CNTNAP2: variants seen among roughly 807,000 people sequenced by gnomAD.
The protein encoded by CNTNAP2 is contactin associated protein 2.
A neutral mutation model predicts 155.2 loss-of-function variants in CNTNAP2; 98 were observed. The ratio of observed to expected loss-of-function variants is 0.63; its 90% CI spans 0.54 to 0.75. CNTNAP2 has a LOEUF of 0.75. CNTNAP2 is among the 30% of genes least tolerant of loss of function. The pLI is 0.00. For synonymous variants in CNTNAP2, 651 were observed against 631.2 expected, an observed-to-expected ratio of 1.03 and a Z score of -0.47; for missense variants, 1,727 against 1,688.1, an observed-to-expected ratio of 1.02 and a Z score of -0.40.
At chr7:146,954,906 T>A (rs375587931) in intron 3 of CNTNAP2, among the ~76,000 whole-genome samples, 2 of 152,066 alleles carry the variant, frequency 1.3e-5, no homozygotes. Flanking sequence ...TGATTTGTAA[T>A]ATGCCCTTTG....
chr7:146,483,304 T>TAC (rs1458585540), intron 1 of CNTNAP2, among the ~76,000 whole-genome samples: 1 of 105,284 alleles, frequency 9.5e-6, no homozygotes, highest in Non-Finnish European at 1.8e-5. Flanking sequence ...TATATATATA[T>TAC]ATATATATAT....
At chr7:147,196,877 C>T (rs980180119) in intron 8 of CNTNAP2, among the ~76,000 whole-genome samples, 1 of 152,118 alleles carries the variant, frequency 6.6e-6, no homozygotes, top group Non-Finnish European at 1.5e-5. Flanking sequence ...GTGTGATCCT[C>T]AAGATTTGCC....
intron 11 of CNTNAP2, among the ~76,000 whole-genome samples, chr7:147,553,155 G>C (rs1799884147): frequency 6.6e-6 from 1 of 152,216 alleles, no homozygotes; most frequent in Admixed American, 6.5e-5. Flanking sequence ...TAAGGTGTAA[G>C]TGGTGAAGAA....
chr7:146,475,009 G>A (rs1425802792), intron 1 of CNTNAP2, among the ~76,000 whole-genome samples: 22 of 129,502 alleles, frequency 1.7e-4, no homozygotes, highest in African/African-American at 5.6e-4. Flanking sequence ...ACGCGCGCGC[G>A]CGCGCACACA....
At chr7:147,849,104 C>T (rs1798874563) in intron 13 of CNTNAP2, among the ~76,000 whole-genome samples, 1 of 152,128 alleles carries the variant, frequency 6.6e-6, no homozygotes, top group South Asian at 2.1e-4. Context: ...TGAGATTCTA[C>T]TGGAAAAATG....
intron 1 of CNTNAP2, among the ~76,000 whole-genome samples, chr7:146,705,033 A>G (rs1016943744): frequency 2.0e-5 from 3 of 152,144 alleles, no homozygotes; most frequent in East Asian, 1.9e-4. Context: ...CCTCTTTGCT[A>G]AAAGGATTTG....
intron 1 of CNTNAP2, among the ~76,000 whole-genome samples, chr7:146,585,734 G>GAA (rs1376890411): frequency 7.6e-6 from 1 of 130,770 alleles, no homozygotes; most frequent in Non-Finnish European, 1.6e-5. Flanking sequence ...AAAGAAGAAA[G>GAA]AAAGAAAAAG....
intron 1 of CNTNAP2, among the ~76,000 whole-genome samples, chr7:146,638,374 GGGCAA>G (rs1480697126): frequency 3.3e-5 from 5 of 151,822 alleles, no homozygotes; most frequent in African/African-American, 1.2e-4. Context: ...ATTTTGGCTG[GGGCAA>G]GTATCACTGG....
intron 3 of CNTNAP2, among the ~76,000 whole-genome samples, chr7:147,030,592 T>C (rs1047856822): frequency 3.7e-4 from 56 of 152,266 alleles, no homozygotes; most frequent in African/African-American, 1.3e-3. Flanking sequence ...TCTTATTTCC[T>C]GTTCCACTCT....
chr7:146,419,962 C>A (rs1304777515), intron 1 of CNTNAP2, among the ~76,000 whole-genome samples: 1 of 152,036 alleles, frequency 6.6e-6, no homozygotes, highest in Non-Finnish European at 1.5e-5. Context: ...TTTTTATACC[C>A]TGTATACAGA....
intron 16 of CNTNAP2, among the ~76,000 whole-genome samples, chr7:148,133,114 A>G (rs1804867073): frequency 1.3e-5 from 2 of 152,142 alleles, no homozygotes; most frequent in African/African-American, 2.4e-5. Context: ...TAAAAATAAG[A>G]TAAGCTGCTC....
chr7:147,605,204 T>C (rs1038020605), intron 12 of CNTNAP2, among the ~76,000 whole-genome samples: 3 of 152,194 alleles, frequency 2.0e-5, no homozygotes, highest in South Asian at 2.1e-4. Flanking sequence ...TCCATTTCTT[T>C]TTTTTCCTTC....
intron 9 of CNTNAP2, among the ~76,000 whole-genome samples, chr7:147,317,792 GTGTGTGTA>G (rs1795258726): frequency 1.8e-5 from 1 of 56,396 alleles, no homozygotes; most frequent in Admixed American, 2.1e-4. Context: ...GTGTGTGTGT[GTGTGTGTA>G]TATGTATATA....
chr7:147,457,633 G>A (rs6464807), intron 10 of CNTNAP2, among the ~76,000 whole-genome samples: 116,033 of 151,656 alleles, frequency 0.77, 44,578 homozygotes, highest in African/African-American at 0.84. Context: ...TCTGCCATAT[G>A]ATAGGCATCC....
chr7:148,160,672 CATGGATCGG>C (rs1805513966), intron 17 of CNTNAP2, among the ~76,000 whole-genome samples: 1 of 152,138 alleles, frequency 6.6e-6, no homozygotes, highest in South Asian at 2.1e-4. Flanking sequence ...GACTCCTGTA[CATGGATCGG>C]AAGGATCCCT....
rs931516407 is a variant in CNTNAP2 at position 146,933,828 on chromosome 7, G to T, written c.402+93924G>T. Among the ~76,000 whole-genome samples the T allele has an allele frequency of 1.2e-3, 189 of 152,046 alleles. 2 individuals carry two copies. Among genetic ancestry groups the T allele is most frequent in the South Asian group, 4.4e-3 (21 of 4,804 alleles). ...AAGAAGACATTTATGCAGCCAAAAA[G>T]CACATGAAAAAATGCTCACCATCAC... is the stretch of plus-strand genomic sequence containing the variant. On this transcript the variant is annotated intron_variant, in intron 3 of 23. Coordinates refer to ENST00000361727, the MANE Select transcript of CNTNAP2 (RefSeq NM_014141.6).
In CNTNAP2 at chr7:147,955,790, G is replaced by A. The variant is rs140503879; in HGVS notation, c.2256-22072G>A. ...GAGATATGGACAAAAGAGCAAAAGC[G>A]CCGTGCACATATCTTGAGATGCAGG... On this transcript the variant is annotated intron_variant, in intron 14 of 23. Coordinates refer to ENST00000361727, the MANE Select transcript of CNTNAP2 (RefSeq NM_014141.6). 2.6e-3 allele frequency among the ~76,000 whole-genome samples: 394 copies of A among 152,266 alleles called. 1 individual carries two copies. Among genetic ancestry groups the A allele is most frequent in the African/African-American group, 9.3e-3 (385 of 41,550 alleles).
chr7:147,079,970 G>T (rs559203833), intron 4 of CNTNAP2, among the ~76,000 whole-genome samples: 2 of 147,028 alleles, frequency 1.4e-5, no homozygotes, highest in South Asian at 4.4e-4. Flanking sequence ...AAGTTAGTAA[G>T]TAGTAGAACC....
chr7:146,613,447 C>T (rs1362215074), intron 1 of CNTNAP2, among the ~76,000 whole-genome samples: 1 of 152,196 alleles, frequency 6.6e-6, no homozygotes, highest in Non-Finnish European at 1.5e-5. Context: ...TAAAATCCAA[C>T]ATTCCTATAG....
Sources: gnomAD v4.1 joint callset for allele counts (sites outside exome capture counted in the v4.1 genomes callset) on GRCh38, gnomAD v4.1.1 for gene constraint, MANE v1.5 for transcripts, NCBI Gene and HGNC (gene_info 2026-07-23, HGNC 2026-07-21) for gene names.